Variants in NPAS3 observed in about 807,000 individuals in gnomAD.
NPAS3 encodes the protein neuronal PAS domain protein 3.
A neutral mutation model predicts 73.1 loss-of-function variants in NPAS3; 14 were observed. That is an observed-to-expected ratio of 0.19 (90% CI 0.13 to 0.30). The LOEUF (loss-of-function observed/expected upper bound fraction) is 0.30. Among genes scored for constraint, NPAS3 ranks in the 10% least tolerant of loss-of-function variants. NPAS3 has a pLI of 1.00. For missense variants in NPAS3, 1,096 were observed against 1,250.0 expected (o/e 0.88, Z 1.86); for synonymous variants, 620 against 541.5 (o/e 1.14, Z -2.01).
intron 3 of NPAS3, among the ~76,000 whole-genome samples, chr14:33,237,016 G>A (rs986341548): frequency 6.6e-6 from 1 of 151,930 alleles, no homozygotes; most frequent in African/African-American, 2.4e-5. Context: ...TGAGATTTTT[G>A]TTTATGTTTT....
intron 2 of NPAS3, among the ~76,000 whole-genome samples, chr14:33,128,544 A>G (rs2043518255): frequency 6.6e-6 from 1 of 152,292 alleles, no homozygotes; most frequent in African/African-American, 2.4e-5. Flanking sequence ...ATGTGAAATT[A>G]TGACTTTTGT....
intron 2 of NPAS3, among the ~76,000 whole-genome samples, chr14:33,166,336 A>G (rs963409692): frequency 6.6e-6 from 1 of 152,218 alleles, no homozygotes. Context: ...CTGCCAACTC[A>G]GATGGTGCCT....
chr14:33,753,096 C>T (rs932725604), intron 7 of NPAS3, among the ~76,000 whole-genome samples: 1 of 151,884 alleles, frequency 6.6e-6, no homozygotes, highest in Non-Finnish European at 1.5e-5. Context: ...TAGTGTGCTT[C>T]GAGAAGTGTT....
chr14:33,191,068 A>G (rs2046155233), intron 2 of NPAS3, among the ~76,000 whole-genome samples: 1 of 152,200 alleles, frequency 6.6e-6, no homozygotes, highest in Non-Finnish European at 1.5e-5. Flanking sequence ...AATGAAATTT[A>G]GTCAAAGCAA....
intron 2 of NPAS3, among the ~76,000 whole-genome samples, chr14:33,203,568 G>A (rs145613939): frequency 0.017 from 2,528 of 152,116 alleles, 31 homozygotes; most frequent in East Asian, 0.041. Flanking sequence ...GAGAACATGC[G>A]GTGTTTGGTT....
chr14:33,317,312 GT>G (rs1258026834), intron 3 of NPAS3, among the ~76,000 whole-genome samples: 1 of 152,022 alleles, frequency 6.6e-6, no homozygotes, highest in African/African-American at 2.4e-5. Context: ...TCGTGGTACT[GT>G]TTTCTTCTAG....
At chr14:33,582,598 C>T (rs985990475) in intron 5 of NPAS3, among the ~76,000 whole-genome samples, 2 of 152,064 alleles carry the variant, frequency 1.3e-5, no homozygotes, top group Non-Finnish European at 2.9e-5. Flanking sequence ...GTTGTTTTAC[C>T]CTAACCCTTG....
intron 2 of NPAS3, among the ~76,000 whole-genome samples, chr14:33,113,099 G>C (rs574580085): frequency 6.6e-6 from 1 of 152,180 alleles, no homozygotes; most frequent in Non-Finnish European, 1.5e-5. Context: ...GTCAGGTAGC[G>C]TGATGCCTCC....
At chr14:33,072,819 A>T (rs1414070112) in intron 2 of NPAS3, among the ~76,000 whole-genome samples, 1 of 152,180 alleles carries the variant, frequency 6.6e-6, no homozygotes. Flanking sequence ...TGAATTTAAC[A>T]TCTAGTCTCT....
chr14:33,546,969 C>G (rs1323438676), intron 4 of NPAS3, among the ~76,000 whole-genome samples: 1 of 152,164 alleles, frequency 6.6e-6, no homozygotes, highest in Non-Finnish European at 1.5e-5. Context: ...TGAAAGGCTC[C>G]TGTCGTGGCA....
intron 7 of NPAS3, among the ~76,000 whole-genome samples, chr14:33,740,926 T>C (rs970018195): frequency 3.9e-5 from 6 of 152,154 alleles, no homozygotes; most frequent in African/African-American, 1.2e-4. Context: ...CTCCATGATT[T>C]CTCAGGGATT....
intron 2 of NPAS3, among the ~76,000 whole-genome samples, chr14:33,179,309 A>T (rs2045710787): frequency 1.3e-5 from 2 of 152,324 alleles, no homozygotes; most frequent in East Asian, 3.9e-4. Context: ...TTTGAGTCTG[A>T]ACTATTTGAG....
chr14:33,063,493 T>C (rs1400790264), intron 2 of NPAS3, among the ~76,000 whole-genome samples: 2 of 152,148 alleles, frequency 1.3e-5, no homozygotes, highest in African/African-American at 4.8e-5. Context: ...GCCATACCCA[T>C]TCATTTGTGG....
intron 3 of NPAS3, among the ~76,000 whole-genome samples, chr14:33,352,897 A>G (rs1035967848): frequency 5.9e-5 from 9 of 152,174 alleles, no homozygotes; most frequent in African/African-American, 1.7e-4. Context: ...AGTGAATAAA[A>G]GTAAGTTAGT....
At chr14:33,063,174 A>C (rs1393669716) in intron 2 of NPAS3, among the ~76,000 whole-genome samples, 2 of 152,204 alleles carry the variant, frequency 1.3e-5, no homozygotes, top group Non-Finnish European at 2.9e-5. Flanking sequence ...GGTTGTTTTG[A>C]GGATGAATGT....
intron 4 of NPAS3, among the ~76,000 whole-genome samples, chr14:33,543,760 T>C (rs1196359383): frequency 6.6e-6 from 1 of 152,044 alleles, no homozygotes; most frequent in East Asian, 1.9e-4. Context: ...CATTCTGCTC[T>C]ATGTCTCAGG....
At chr14:33,072,940 G>T (rs950879712) in intron 2 of NPAS3, among the ~76,000 whole-genome samples, 7 of 151,922 alleles carry the variant, frequency 4.6e-5, no homozygotes, top group African/African-American at 1.7e-4. Context: ...AATTTTTAAA[G>T]TTGCCTAATA....
At chr14:33,556,510 T>C (rs896940267) in intron 4 of NPAS3, among the ~76,000 whole-genome samples, 1 of 152,210 alleles carries the variant, frequency 6.6e-6, no homozygotes, top group Admixed American at 6.5e-5. Flanking sequence ...TAGAACTGGA[T>C]TTCATAAATC....
chr14:33,614,285 A>G lies in NPAS3; in HGVS notation c.558+54075A>G, dbSNP rs2057845523. 2.0e-5 allele frequency among the ~76,000 whole-genome samples: 3 copies of G among 152,204 alleles called. No individual in the cohort carries two copies. The South Asian group carries it at 6.2e-4, about 31-fold the overall frequency. ...CTTGATATCTCATAGAGGCCCCAAA[A>G]TAGTTGTAGGAGTAATTAATTGCCA... On this transcript the variant is annotated intron_variant, in intron 5 of 11. Transcript: ENST00000356141.
Sources: gnomAD v4.1 joint callset for allele counts (sites outside exome capture counted in the v4.1 genomes callset) on GRCh38, gnomAD v4.1.1 for gene constraint, MANE v1.5 for transcripts, NCBI Gene and HGNC (gene_info 2026-07-23, HGNC 2026-07-21) for gene names.